Variants in R3HDM2 observed in about 807,000 individuals in gnomAD.
R3HDM2 encodes R3H domain-containing protein 2.
In R3HDM2, 38 loss-of-function variants were observed where a neutral mutation model predicts 124.5. The observed-to-expected ratio is 0.31, with a 90% CI of 0.24 to 0.40. The LOEUF is 0.40. Ranked by LOEUF, R3HDM2 falls within the 10% of genes least tolerant of loss-of-function variation. The pLI, the probability that R3HDM2 is intolerant of heterozygous loss-of-function variation, is 1.00. For synonymous variants in R3HDM2, 391 were observed against 448.0 expected, an observed-to-expected ratio of 0.87 and a Z score of 1.61; for missense variants, 869 against 1,236.9, an observed-to-expected ratio of 0.70 and a Z score of 4.46.
chr12:57,292,747 C>A, intron 10 of R3HDM2, 80 bp from the exon 11 acceptor site: 9 of 906,000 alleles, frequency 9.9e-6, no homozygotes, highest in Non-Finnish European at 1.2e-5. Flanking sequence ...GAAGAGAAAC[C>A]GGGAAAGTTT....
In R3HDM2 at chr12:57,399,448, C is replaced by A. The variant is rs61537443; in HGVS notation, c.-105-3630G>T. ...TAAAGCTTTAATAATGACCCCGTCA[C>A]CAGAAAAACAGACACTTTGTCCTAG... On this transcript the variant is annotated intron_variant, in intron 1 of 23. Transcript: ENST00000402412. Among the ~76,000 whole-genome samples, 144 of 152,152 alleles carry A rather than the reference C, an allele frequency of 9.5e-4. 1 individual carries two copies. Among genetic ancestry groups the A allele is most frequent in the African/African-American group, 3.3e-3 (138 of 41,514 alleles).
chr12:57,313,563 CA>C (rs11306097), intron 2 of R3HDM2, among the ~76,000 whole-genome samples: 139,258 of 142,828 alleles, frequency 0.98, 67,911 homozygotes, highest in South Asian at 0.99. Context: ...GACCTTGTCT[CA>C]AAAAAAAAAA....
At chr12:57,318,277 G>A (rs1016998260) in intron 2 of R3HDM2, among the ~76,000 whole-genome samples, 1 of 152,018 alleles carries the variant, frequency 6.6e-6, no homozygotes, top group Non-Finnish European at 1.5e-5. Context: ...GGGCAAAAAG[G>A]CAAGACTCTG....
intron 1 of R3HDM2, among the ~76,000 whole-genome samples, chr12:57,422,579 G>C (rs1475499438): frequency 6.6e-6 from 1 of 152,144 alleles, no homozygotes; most frequent in African/African-American, 2.4e-5. Context: ...AAGAGTTTTT[G>C]TAGGCCATAA....
intron 20 of R3HDM2, 77 bp downstream of exon 20, chr12:57,258,813 C>T: frequency 7.7e-7 from 1 of 1,306,762 alleles, no homozygotes; most frequent in Non-Finnish European, 1.0e-6. Context: ...AGAGGCTGCT[C>T]AGTCAATAGC....
At chr12:57,290,180 A>G (rs1156535738) in intron 11 of R3HDM2, among the ~76,000 whole-genome samples, 1 of 152,228 alleles carries the variant, frequency 6.6e-6, no homozygotes, top group Non-Finnish European at 1.5e-5. Flanking sequence ...CTAATACCCT[A>G]TTATAAATTG....
intron 2 of R3HDM2, among the ~76,000 whole-genome samples, chr12:57,372,192 T>C (rs1434808346): frequency 6.6e-6 from 1 of 152,100 alleles, no homozygotes; most frequent in Admixed American, 6.6e-5. Flanking sequence ...TTATATTATC[T>C]CAAAGCCTTC....
chr12:57,313,903 A>G (rs1263043413), intron 2 of R3HDM2, among the ~76,000 whole-genome samples: 4 of 151,206 alleles, frequency 2.6e-5, no homozygotes, highest in Non-Finnish European at 4.4e-5. Flanking sequence ...AAAAAAAAAA[A>G]AAAGATCAGG....
At chr12:57,364,843 T>C (rs1316520920) in intron 2 of R3HDM2, among the ~76,000 whole-genome samples, 2 of 150,530 alleles carry the variant, frequency 1.3e-5, no homozygotes, top group Non-Finnish European at 3.0e-5. Flanking sequence ...GTTGCAGCTA[T>C]TTGGGAGGCT....
At chr12:57,297,210 A>T (rs923837972) in intron 8 of R3HDM2, 118 bp downstream of exon 8, 7 of 602,580 alleles carry the variant, frequency 1.2e-5, no homozygotes, top group Non-Finnish European at 2.1e-5. Flanking sequence ...ATAACTTAAA[A>T]ACTTCAGTAT....
chr12:57,288,590 G>A (rs1269525910), intron 12 of R3HDM2, among the ~76,000 whole-genome samples: 1 of 151,992 alleles, frequency 6.6e-6, no homozygotes, highest in Non-Finnish European at 1.5e-5. Flanking sequence ...ATTTCTGGGA[G>A]GAAGCTGTAC....
chr12:57,346,103 G>C (rs1197490263), intron 2 of R3HDM2, among the ~76,000 whole-genome samples: 1 of 148,532 alleles, frequency 6.7e-6, no homozygotes, highest in Non-Finnish European at 1.5e-5. Context: ...GTTGCAGTGA[G>C]CCAAGATCGT....
intron 1 of R3HDM2, among the ~76,000 whole-genome samples, chr12:57,427,542 G>A (rs1407323600): frequency 1.3e-5 from 2 of 150,766 alleles, no homozygotes; most frequent in African/African-American, 4.8e-5. Flanking sequence ...TAGAGATGGG[G>A]TTTCACCATG....
chr12:57,398,784 C>T (rs1164361069), intron 1 of R3HDM2, among the ~76,000 whole-genome samples: 2 of 152,114 alleles, frequency 1.3e-5, no homozygotes, highest in East Asian at 1.9e-4. Flanking sequence ...CCACCGCACC[C>T]AGCCCTCTCT....
chr12:57,269,794 C>G lies in R3HDM2; in HGVS notation c.1545G>C (p.Gln515His). Reference protein sequence around the residue: ...YSTSSHAPPTQQVLPPQGYMQ... With the variant: ...YSTSSHAPPTHQVLPPQGYMQ... ...TGTACCCCTGGGGTGGCAGAACTTG[C>G]TGAGTAGGTGGTGCATGGCTAGAGG... The change falls in exon 15 of 24, where the codon CAG (glutamine) becomes CAC (histidine). Residue 515 changes from glutamine to histidine, a missense_variant. Coordinates refer to ENST00000402412, the MANE Select transcript of R3HDM2 (RefSeq NM_001394031.1). 1 of 1,614,122 alleles carries G rather than the reference C, an allele frequency of 6.2e-7. No individual in the cohort carries two copies. The highest frequency in any genetic ancestry group is 8.5e-7 in the Non-Finnish European group (1 of 1,180,026).
At chr12:57,372,800 AATAG>A (rs1480941134) in intron 2 of R3HDM2, among the ~76,000 whole-genome samples, 2 of 152,246 alleles carry the variant, frequency 1.3e-5, no homozygotes, top group African/African-American at 4.8e-5. Context: ...TTCCACCTCT[AATAG>A]ATCCTACAAG....
At chr12:57,359,159 C>T (rs954285680) in intron 2 of R3HDM2, among the ~76,000 whole-genome samples, 7 of 152,074 alleles carry the variant, frequency 4.6e-5, no homozygotes, top group Admixed American at 4.6e-4. Context: ...TCAAATGATC[C>T]AACCACCTCG....
At chr12:57,290,730 A>G (rs2048399007) in intron 11 of R3HDM2, among the ~76,000 whole-genome samples, 1 of 152,172 alleles carries the variant, frequency 6.6e-6, no homozygotes, top group Non-Finnish European at 1.5e-5. Context: ...TTCCTGCCTC[A>G]GCCCCCTGAG....
chr12:57,269,036 G>C lies in R3HDM2; in HGVS notation c.1761C>G (p.Gly587=). The change falls in exon 17 of 24, where the codon GGC becomes GGG. Residue 587 remains glycine (G), a synonymous_variant. Transcript: ENST00000402412. ...TCTGTGGCTGCTGGACCCCAATCAT[G>C]CCTTGGTAAGCCGCCTGCTGCTGGT... The part of the protein sequence containing the change: ...MPNQQQAAYQ[G]MIGVQQPQNQ... 1.2e-6 allele frequency: 2 copies of C among 1,614,230 alleles called. No individual in the cohort carries two copies. The highest frequency in any genetic ancestry group is 1.7e-6 in the Non-Finnish European group (2 of 1,180,036).
Sources: gnomAD v4.1 joint callset for allele counts (sites outside exome capture counted in the v4.1 genomes callset) on GRCh38, gnomAD v4.1.1 for gene constraint, MANE v1.5 for transcripts, NCBI Gene and HGNC (gene_info 2026-07-23, HGNC 2026-07-21) for gene names.